Variants in SELPLG observed in about 807,000 individuals in gnomAD.
SELPLG encodes selectin P ligand.
SELPLG carries 2 observed loss-of-function variants against 1.1 expected under a neutral mutation model. The ratio of observed to expected loss-of-function variants is 1.82; its 90% confidence interval spans 0.74 to 5.71. The LOEUF (loss-of-function observed/expected upper bound fraction) is 5.71, where lower values mean the gene tolerates loss of function less well. SELPLG is among the 30% of genes most tolerant of loss of function. SELPLG has a pLI of 0.05. For missense variants in SELPLG, 478 were observed against 524.7 expected, an observed-to-expected ratio of 0.91 and a Z score of 0.87; for synonymous variants, 230 against 221.2, an observed-to-expected ratio of 1.04 and a Z score of -0.35.
At chr12:108,629,097 G>A (rs2031997750) in intron 1 of SELPLG, among the ~76,000 whole-genome samples, 1 of 152,202 alleles carries the variant, frequency 6.6e-6, no homozygotes, top group Non-Finnish European at 1.5e-5. Context: ...TATGGAGATG[G>A]CGGCCTCTCT....
At position 108,628,226 on chromosome 12, in the gene SELPLG, G is replaced by A. The variant is rs538951499; in HGVS notation, c.-5-3914C>T. Among the ~76,000 whole-genome samples the A allele has an allele frequency of 4.0e-5, 6 of 151,566 alleles. No homozygotes were observed. The East Asian group carries it at 1.2e-3, about 29-fold the overall frequency. On this transcript the variant is annotated intron_variant, in intron 1 of 1. Transcript: ENST00000550948. ...TGCAGTGAGCCGAGATTGTACCACTGCACTCCAGCCTGGGCGACAGAGTGA... is the reference window on the plus strand; with the variant it reads ...TGCAGTGAGCCGAGATTGTACCACTACACTCCAGCCTGGGCGACAGAGTGA...
In SELPLG at chr12:108,624,068, A is replaced by G; in HGVS notation, c.240T>C (p.Ser80=). Residue 80 remains serine, a synonymous_variant, in exon 2 of 2, where the codon TCT becomes TCC. Transcript: ENST00000550948. ...TPLTGPGTPE[S]TTVEPAARRS... is the part of the protein sequence containing the mutation. ...GCCTTGCAGCAGGCTCCACAGTGGT[A>G]GACTCAGGGGTTCCAGGCCCAGTCA... The G allele has an allele frequency of 6.2e-7, 1 of 1,614,212 alleles. No homozygotes were observed. The highest frequency in any genetic ancestry group is 2.2e-5 in the East Asian group (1 of 44,888).
Position 108,623,227 on chromosome 12 carries a change from C to T in SELPLG, c.1081G>A (p.Glu361Lys), listed in dbSNP as rs749347964. The change falls in exon 2 of 2, where the codon GAG (glutamate) becomes AAG (lysine). Residue 361 changes from glutamate (E) to lysine (K), a missense_variant. Glu to Lys is a moderately conservative substitution (Grantham distance 56). Coordinates refer to ENST00000550948, the MANE Select transcript of SELPLG (RefSeq NM_003006.4). Reference protein sequence around the residue: ...MYPVRNYSPTEMVCISSLLPD... With the variant: ...MYPVRNYSPTKMVCISSLLPD... ...AACAGGGATGAGATGCAGACCATCT[C>T]GGTGGGGGAGTAATTACGCACGGGG... is the stretch of plus-strand genomic sequence containing the variant. 1.9e-6 allele frequency: 3 copies of T among 1,613,964 alleles called. No individual in the cohort carries two copies. Among genetic ancestry groups the T allele is most frequent in the Non-Finnish European group, 2.5e-6 (3 of 1,179,904 alleles).
Position 108,623,429 on chromosome 12 carries a change from G to T in SELPLG, c.879C>A (p.His293Gln). 6.2e-7 allele frequency: 1 copy of T among 1,614,274 alleles called. No homozygotes were observed. The highest frequency in any genetic ancestry group is 1.7e-5 in the Admixed American group (1 of 60,034). The change falls in exon 2 of 2, where the codon CAC becomes CAA. Residue 293 changes from histidine (H) to glutamine (Q), a missense_variant. His to Gln is a conservative substitution (Grantham distance 24). Transcript: ENST00000550948. Reference protein sequence around the residue: ...FIPFSVSSVTHKGIPMAASNL... With the variant: ...FIPFSVSSVTQKGIPMAASNL... Reference sequence around the variant, plus strand: ...TGCTGGCTGCCATGGGAATGCCCTTGTGAGTAACAGAGGACACAGAAAAGG... The same window carrying T: ...TGCTGGCTGCCATGGGAATGCCCTTTTGAGTAACAGAGGACACAGAAAAGG...
chr12:108,623,826 G>C lies in SELPLG; in HGVS notation c.482C>G (p.Ala161Gly). 3 of 1,600,232 alleles carry C rather than the reference G, an allele frequency of 1.9e-6. No homozygotes were observed. The highest frequency in any genetic ancestry group is 2.6e-6 in the Non-Finnish European group (3 of 1,173,498). Residue 161 changes from alanine to glycine, a missense_variant, in exon 2 of 2, where the codon GCA becomes GGA. By Grantham distance (60) the Ala-to-Gly change is moderately conservative. Transcript: ENST00000550948. The stretch of plus-strand genomic sequence containing the variant: ...TGTGGCTGCCAGTGGAGTGGTCTGT[G>C]CCTCCGTGGCCGTCAGTCGAGTTGT... The part of the protein sequence containing the change: ...AQTTRLTATE[A>G]QTTPLAATEA...
intron 1 of SELPLG, among the ~76,000 whole-genome samples, chr12:108,629,200 T>C (rs1014130392): frequency 6.6e-6 from 1 of 152,140 alleles, no homozygotes; most frequent in African/African-American, 2.4e-5. Flanking sequence ...CAGACCTCCT[T>C]TCCTGGGCCC....
intron 1 of SELPLG, among the ~76,000 whole-genome samples, chr12:108,632,389 GGTGT>G (rs34863745): frequency 0.044 from 6,354 of 144,174 alleles, 144 homozygotes; most frequent in African/African-American, 0.066. Flanking sequence ...GACAATATGG[GGTGT>G]GTGTGTGTGT....
chr12:108,632,390 G>T (rs1565891089), intron 1 of SELPLG, among the ~76,000 whole-genome samples: 1 of 9,688 alleles, frequency 1.0e-4, no homozygotes. Context: ...ACAATATGGG[G>T]TGTGTGTGTG....
chr12:108,629,627 T>C (rs2032008136), intron 1 of SELPLG, among the ~76,000 whole-genome samples: 1 of 152,152 alleles, frequency 6.6e-6, no homozygotes, highest in Non-Finnish European at 1.5e-5. Flanking sequence ...GAGGATGGCT[T>C]GAGCCCAGGT....
chr12:108,624,783 G>C (rs1245448143), intron 1 of SELPLG, among the ~76,000 whole-genome samples: 1 of 150,434 alleles, frequency 6.6e-6, no homozygotes, highest in Non-Finnish European at 1.5e-5. Flanking sequence ...TCCACCTCCC[G>C]GGTTCAAGTG....
intron 1 of SELPLG, among the ~76,000 whole-genome samples, chr12:108,628,318 A>AACACACACACACACACACAC (rs57432345): frequency 4.3e-5 from 6 of 140,304 alleles, no homozygotes; most frequent in South Asian, 4.9e-4. Flanking sequence ...TAATAAATGT[A>AACACACACACACACACACAC]ACACACACAC....
At chr12:108,624,911 A>C (rs2031910059) in intron 1 of SELPLG, among the ~76,000 whole-genome samples, 1 of 152,010 alleles carries the variant, frequency 6.6e-6, no homozygotes, top group Non-Finnish European at 1.5e-5. Context: ...GCTGGTCTCA[A>C]ACTCCTGGCC....
Position 108,623,874 on chromosome 12 carries a change from G to A in SELPLG, c.434C>T (p.Pro145Leu). The stretch of plus-strand genomic sequence containing the variant: ...TGTCTGTGCCTCTGTGGCTGCCAGT[G>A]GAGTGGTCTGTGCCTCCGTGGGCAC... Reference protein sequence around the residue: ...QPVPTEAQTTPLAATEAQTTR... With the variant: ...QPVPTEAQTTLLAATEAQTTR... The change falls in exon 2 of 2, where the codon CCA becomes CTA. Residue 145 changes from proline (P) to leucine (L), a missense_variant. Pro to Leu is a moderately conservative substitution (Grantham distance 98, BLOSUM62 -3). Coordinates refer to ENST00000550948, the MANE Select transcript of SELPLG (RefSeq NM_003006.4). The A allele has an allele frequency of 1.2e-6, 2 of 1,612,260 alleles. No homozygotes were observed. Among genetic ancestry groups the A allele is most frequent in the East Asian group, 2.2e-5 (1 of 44,714 alleles).
rs964157639 is a variant in SELPLG, at chr12:108,632,104, C to G, written c.-6+1636G>C. ...GATTCCCCAGCTCCTCTGAATGCCC[C>G]ACTCTGGGCCCAGCCTAGCAACCCA... On this transcript the variant is annotated intron_variant, in intron 1 of 1. Coordinates refer to ENST00000550948, the MANE Select transcript of SELPLG (RefSeq NM_003006.4). 6.5e-6 allele frequency: 4 copies of G among 617,070 alleles called. No homozygotes were observed. The Admixed American group carries it at 1.1e-4, about 18-fold the overall frequency. 38.2% of individuals were successfully genotyped at this position (617,070 alleles called of 1,614,324 possible). A position where few individuals can be genotyped will look rare whatever the true frequency, so the allele number is the denominator to read the frequency against.
At chr12:108,627,823 G>A (rs757124251) in intron 1 of SELPLG, among the ~76,000 whole-genome samples, 1 of 152,020 alleles carries the variant, frequency 6.6e-6, no homozygotes, top group Non-Finnish European at 1.5e-5. Context: ...CCTGTAATCC[G>A]AGGACTTTGG....
chr12:108,631,154 A>G (rs1026103445), intron 1 of SELPLG, among the ~76,000 whole-genome samples: 5 of 152,122 alleles, frequency 3.3e-5, no homozygotes, highest in African/African-American at 1.2e-4. Context: ...TTCACACCAC[A>G]TTTGCCAGCT....
intron 1 of SELPLG, among the ~76,000 whole-genome samples, chr12:108,626,426 G>A (rs8179133): frequency 0.17 from 25,277 of 151,972 alleles, 2,796 homozygotes; most frequent in Admixed American, 0.28. Flanking sequence ...GTGGGCCACC[G>A]TGCCAGGCCT....
At chr12:108,630,657 T>C (rs2032030381) in intron 1 of SELPLG, among the ~76,000 whole-genome samples, 1 of 152,124 alleles carries the variant, frequency 6.6e-6, no homozygotes, top group African/African-American at 2.4e-5. Flanking sequence ...CTCTGAGCTG[T>C]GGGTTCCTTA....
chr12:108,632,681 A>C (rs965025851), intron 1 of SELPLG, among the ~76,000 whole-genome samples: 2 of 151,738 alleles, frequency 1.3e-5, no homozygotes, highest in Non-Finnish European at 2.9e-5. Context: ...CACCTAGCTA[A>C]GTTTTTGTAT....
Sources: gnomAD v4.1 joint callset for allele counts (sites outside exome capture counted in the v4.1 genomes callset) on GRCh38, gnomAD v4.1.1 for gene constraint, MANE v1.5 for transcripts, NCBI Gene and HGNC (gene_info 2026-07-23, HGNC 2026-07-21) for gene names.